UCK1: variants seen among roughly 807,000 people sequenced by gnomAD.
The protein encoded by UCK1 is uridine-cytidine kinase 1.
Under a neutral mutation model 34.0 loss-of-function variants are expected in UCK1, and 20 were observed. That is an observed-to-expected ratio of 0.59 (90% CI 0.41 to 0.86). The LOEUF (loss-of-function observed/expected upper bound fraction) is 0.86. Among genes scored for constraint, UCK1 ranks in the 40% least tolerant of loss-of-function variants. The pLI is 0.00. For synonymous variants in UCK1, 168 were observed against 155.9 expected, an observed-to-expected ratio of 1.08 and a Z score of -0.58; for missense variants, 343 against 383.6, an observed-to-expected ratio of 0.89 and a Z score of 0.88.
At position 131,525,165 on chromosome 9, in the gene UCK1, T is replaced by C; in HGVS notation, c.709A>G (p.Lys237Glu). 6.2e-7 allele frequency: 1 copy of C among 1,614,132 alleles called. No individual in the cohort carries two copies. Among genetic ancestry groups the C allele is most frequent in the Non-Finnish European group, 8.5e-7 (1 of 1,180,030 alleles). ...CCATTGGACCCTCCTCGGTGCCATT[T>C]GCAGATGTCACCATTCAGAATGTCC... Reference protein sequence around the residue: ...IQDILNGDICKWHRGGSNGRS... With the variant: ...IQDILNGDICEWHRGGSNGRS... The change falls in exon 7 of 7, where the codon AAA becomes GAA. Residue 237 changes from lysine to glutamate, a missense_variant. Physicochemically the swap from Lys to Glu is moderately conservative, Grantham distance 56. Transcript: ENST00000372215.
At chr9:131,526,871 G>A (rs146409531) in intron 5 of UCK1, among the ~76,000 whole-genome samples, 2,234 of 152,306 alleles carry the variant, frequency 0.015, 27 homozygotes, top group Non-Finnish European at 0.025. Context: ...ATAGTCTGAC[G>A]GGCTGGAGGA....
At chr9:131,529,635 A>T in intron 2 of UCK1, 51 bp from the exon 3 acceptor site, 1 of 1,559,852 alleles carries the variant, frequency 6.4e-7, no homozygotes. Context: ...CGTGCAGCGG[A>T]CAGCAGGGAA....
At chr9:131,529,789 C>A (rs1324430957) in intron 2 of UCK1, among the ~76,000 whole-genome samples, 1 of 152,142 alleles carries the variant, frequency 6.6e-6, no homozygotes, top group Non-Finnish European at 1.5e-5. Context: ...CCTGTCCTTG[C>A]TGTTCTCGGG....
At position 131,530,468 on chromosome 9, in the gene UCK1, G is replaced by C. The variant is rs199528627; in HGVS notation, c.268+18C>G. ...GAATGGGGTCTGCCCTCCCCACATC[G>C]TTGGGCTCGCGATTTACCTGGATGG... is the stretch of plus-strand genomic sequence containing the variant. On this transcript the variant is annotated intron_variant, in intron 2 of 6. Transcript: ENST00000372215. 1.2e-6 allele frequency: 2 copies of C among 1,613,214 alleles called. No individual in the cohort carries two copies.
intron 5 of UCK1, 170 bp from the exon 6 acceptor site, chr9:131,526,147 G>A (rs1950597033): frequency 3.8e-6 from 3 of 797,570 alleles, no homozygotes; most frequent in South Asian, 1.6e-5. Context: ...GGTGTGAGAG[G>A]CCATGATCCA....
rs557357112 is a variant in UCK1 at position 131,530,571 on chromosome 9, G to A, written c.183C>T (p.Ile61=). 2 of 1,614,248 alleles carry A rather than the reference G, an allele frequency of 1.2e-6. No individual in the cohort carries two copies. Among genetic ancestry groups the A allele is most frequent in the South Asian group, 1.1e-5 (1 of 91,088 alleles). Residue 61 remains isoleucine (I), a synonymous_variant, in exon 2 of 7, where the codon ATC becomes ATT. Transcript: ENST00000372215. ...EVEQRQRKVV[I]LSQDRFYKVL... ...CCTTGTAGAACCTGTCCTGGCTCAG[G>A]ATGACCACCTTCCGCTGCCGCTGTT...
chr9:131,530,925 T>C, intron 1 of UCK1, 142 bp downstream of exon 1: 1 of 788,416 alleles, frequency 1.3e-6, no homozygotes, highest in Non-Finnish European at 1.8e-6. Context: ...CCCCGGCCCA[T>C]CGCGGCCTGC....
chr9:131,524,656 C>T lies in UCK1; in HGVS notation c.*384G>A. The T allele has an allele frequency of 5.2e-6, 1 of 191,724 alleles. No individual in the cohort carries two copies. Among genetic ancestry groups the T allele is most frequent in the Non-Finnish European group, 1.1e-5 (1 of 94,854 alleles). 11.9% of individuals were successfully genotyped at this position (191,724 alleles called of 1,614,324 possible). A position where few individuals can be genotyped will look rare whatever the true frequency, so the allele number is the denominator to read the frequency against. On this transcript the variant is annotated 3_prime_UTR_variant, in exon 7 of 7. Transcript: ENST00000372215. The stretch of plus-strand genomic sequence containing the variant: ...AGATCAGACTGGAAAAAACTCTCTC[C>T]CACTGTGGGTTCACTGTCAACAAAA...
rs557604930 is a variant in UCK1, at chr9:131,524,222, T to C, written c.*818A>G. The C allele has an allele frequency of 6.6e-6, 1 of 152,450 alleles. No individual in the cohort carries two copies. Among genetic ancestry groups the C allele is most frequent in the East Asian group, 1.9e-4 (1 of 5,190 alleles). The allele number at this position is 152,450 out of a possible 1,614,324, so 9.4% of individuals were successfully genotyped here. A position where few individuals can be genotyped will look rare whatever the true frequency, so the allele number is the denominator to read the frequency against. ...ACAGCCTGTCTAGACAGACAGCACC[T>C]TGGGGGCTCCCCTGAGGGTCAGTGA... On this transcript the variant is annotated 3_prime_UTR_variant, in exon 7 of 7. Coordinates refer to ENST00000372215, the MANE Select transcript of UCK1 (RefSeq NM_031432.5).
chr9:131,530,176 A>G (rs917033737), intron 2 of UCK1, among the ~76,000 whole-genome samples: 3 of 152,220 alleles, frequency 2.0e-5, no homozygotes, highest in South Asian at 2.1e-4. Flanking sequence ...AAAGGCCCCA[A>G]CGTGGGAAGG....
rs1183845700 is a variant in UCK1, at chr9:131,523,915, A to G, written c.*1125T>C. 1 of 152,496 alleles carries G rather than the reference A, an allele frequency of 6.6e-6. No individual in the cohort carries two copies. Among genetic ancestry groups the G allele is most frequent in the Non-Finnish European group, 1.5e-5 (1 of 68,318 alleles). The allele number at this position is 152,496 out of a possible 1,614,324, so 9.4% of individuals were successfully genotyped here. ...GGGCTCAGCCCCCTTCCCCCACGTC[A>G]CGTCTGCATCACTACTGTGGGTGAG... On this transcript the variant is annotated 3_prime_UTR_variant, in exon 7 of 7. Transcript: ENST00000372215.
rs1950424436 is a variant in UCK1 at position 131,523,870 on chromosome 9, G to A, written c.*1170C>T. On this transcript the variant is annotated 3_prime_UTR_variant, in exon 7 of 7. Coordinates refer to ENST00000372215, the MANE Select transcript of UCK1 (RefSeq NM_031432.5). ...GCCTAAGCTCGACAAAACCGTTACA[G>A]TTGTCAGAACCCAGCCACAGGGCTC... 1 of 152,476 alleles carries A rather than the reference G, an allele frequency of 6.6e-6. No homozygotes were observed. The highest frequency in any genetic ancestry group is 6.5e-5 in the Admixed American group (1 of 15,304). The allele number at this position is 152,476 out of a possible 1,614,324, so 9.4% of individuals were successfully genotyped here. A position where few individuals can be genotyped will look rare whatever the true frequency, so the allele number is the denominator to read the frequency against.
chr9:131,530,962 C>G (rs1950820246), intron 1 of UCK1, 105 bp downstream of exon 1: 1 of 1,119,450 alleles, frequency 8.9e-7, no homozygotes, highest in Non-Finnish European at 1.2e-6. Context: ...CGCCCTGCCC[C>G]TGCCTGGCAG....
chr9:131,526,307 A>G, intron 5 of UCK1: 3 of 884,936 alleles, frequency 3.4e-6, no homozygotes, highest in Non-Finnish European at 5.0e-6. Flanking sequence ...TCACTGGGCC[A>G]AGCTAAGTGT....
chr9:131,530,473 G>A lies in UCK1; in HGVS notation c.268+13C>T. 1.7e-5 allele frequency: 28 copies of A among 1,613,452 alleles called. No homozygotes were observed. Among genetic ancestry groups the A allele is most frequent in the Non-Finnish European group, 2.4e-5 (28 of 1,179,398 alleles). ...GGGTCTGCCCTCCCCACATCGTTGG[G>A]CTCGCGATTTACCTGGATGGTCAAA... On this transcript the variant is annotated intron_variant, in intron 2 of 6. Transcript: ENST00000372215.
At chr9:131,528,811 C>T (rs1398678251) in intron 5 of UCK1, 133 bp downstream of exon 5, 12 of 1,100,590 alleles carry the variant, frequency 1.1e-5, no homozygotes, top group East Asian at 7.8e-5. Flanking sequence ...GGTATGTGGC[C>T]ATAATGAGCC....
intron 2 of UCK1, 111 bp downstream of exon 2, chr9:131,530,375 G>C: frequency 7.5e-7 from 1 of 1,340,246 alleles, no homozygotes; most frequent in African/African-American, 1.4e-5. Flanking sequence ...GCGAGTTGGG[G>C]GAACAGCCCA....
chr9:131,528,843 A>G (rs747414924), intron 5 of UCK1, 101 bp downstream of exon 5: 51 of 1,413,740 alleles, frequency 3.6e-5, no homozygotes, highest in Middle Eastern at 1.8e-4. Flanking sequence ...CTTTTTTTCA[A>G]TCAGATCACT....
At chr9:131,525,277 C>G in intron 6 of UCK1, 56 bp from the exon 7 acceptor site, 1 of 1,605,834 alleles carries the variant, frequency 6.2e-7, no homozygotes, top group Middle Eastern at 2.2e-4. Flanking sequence ...CCGTGGAGAC[C>G]GCCCCTCCCC....
Sources: allele counts gnomAD v4.1 joint callset (sites outside exome capture counted in the v4.1 genomes callset), GRCh38; gene constraint gnomAD v4.1.1; transcripts MANE v1.5; gene names NCBI Gene and HGNC (gene_info 2026-07-23, HGNC 2026-07-21).